Variants in FAM240A observed in about 807,000 individuals in gnomAD.
FAM240A encodes the protein family with sequence similarity 240 member A, also known as protein FAM240A.
FAM240A carries 8 observed loss-of-function variants against 7.3 expected under a neutral mutation model. That is an observed-to-expected ratio of 1.09 (90% confidence interval 0.64 to 1.97). FAM240A has a LOEUF of 1.97. Among genes scored for constraint, FAM240A ranks in the 30% most tolerant of loss-of-function variants. The pLI, the probability that FAM240A is intolerant of heterozygous loss-of-function variation, is 0.00. For synonymous variants in FAM240A, 32 were observed against 35.9 expected (o/e 0.89, Z 0.38); for missense variants, 90 against 102.2 (o/e 0.88, Z 0.52).
At chr3:46,623,405 G>A (rs1025987529) in intron 2 of FAM240A, among the ~76,000 whole-genome samples, 4 of 152,122 alleles carry the variant, frequency 2.6e-5, no homozygotes, top group Non-Finnish European at 5.9e-5. Context: ...TATAAATATT[G>A]ATTATATCAA....
chr3:46,618,919 A>ACG (rs1697665533), intron 2 of FAM240A, among the ~76,000 whole-genome samples: 1 of 70,728 alleles, frequency 1.4e-5, no homozygotes, highest in Non-Finnish European at 3.5e-5. Context: ...ACACACACAC[A>ACG]TATGCAGTAT....
intron 2 of FAM240A, among the ~76,000 whole-genome samples, chr3:46,624,410 T>C (rs762107424): frequency 7.9e-5 from 12 of 151,774 alleles, no homozygotes; most frequent in Non-Finnish European, 1.5e-4. Context: ...TAGCTGGAAC[T>C]GCAGGCACCC....
chr3:46,621,661 A>G (rs116640101), intron 2 of FAM240A, among the ~76,000 whole-genome samples: 2,237 of 152,030 alleles, frequency 0.015, 44 homozygotes, highest in African/African-American at 0.048. Context: ...TGCGGGGGAA[A>G]GGGGGAGTGG....
intron 2 of FAM240A, among the ~76,000 whole-genome samples, chr3:46,623,163 T>C (rs1263367659): frequency 6.6e-6 from 1 of 152,188 alleles, no homozygotes; most frequent in Admixed American, 6.5e-5. Flanking sequence ...TGGTTGTTTC[T>C]TTGATTTATG....
At chr3:46,621,747 G>A (rs1697696930) in intron 2 of FAM240A, among the ~76,000 whole-genome samples, 1 of 149,314 alleles carries the variant, frequency 6.7e-6, no homozygotes, top group South Asian at 2.2e-4. Flanking sequence ...CTGCAATCCA[G>A]CCTGGGCAAC....
intron 1 of FAM240A, among the ~76,000 whole-genome samples, chr3:46,616,113 GAGGA>G: frequency 6.6e-6 from 1 of 152,358 alleles, no homozygotes; most frequent in South Asian, 2.1e-4. Flanking sequence ...CTTCTGTGAG[GAGGA>G]AGGAAGGGCA....
Position 46,616,721 on chromosome 3 carries a change from A to ACACACACT in FAM240A, c.16-455_16-454insTCACACAC, listed in dbSNP as rs1553617895. 3.2e-4 allele frequency among the ~76,000 whole-genome samples: 49 copies of ACACACACT among 151,556 alleles called. No individual in the cohort carries two copies. The East Asian group carries it at 5.8e-3, about 18-fold the overall frequency. ...CACACACACACACACACACACACAC[A>ACACACACT]CACACACATAAAACATTTTCTTGAT... On this transcript the variant is annotated intron_variant, in intron 1 of 2. Transcript: ENST00000640551.
At chr3:46,616,753 A>G (rs867029910) in intron 1 of FAM240A, among the ~76,000 whole-genome samples, 23 of 151,988 alleles carry the variant, frequency 1.5e-4, no homozygotes, top group Admixed American at 5.9e-4. Context: ...TGATCCAGTC[A>G]TAAGTTAATG....
At chr3:46,619,843 G>A (rs1004671897) in intron 2 of FAM240A, among the ~76,000 whole-genome samples, 2 of 152,168 alleles carry the variant, frequency 1.3e-5, no homozygotes, top group African/African-American at 2.4e-5. Flanking sequence ...CAAACACCCC[G>A]AGGCAAGGGA....
At chr3:46,621,916 T>C (rs953511239) in intron 2 of FAM240A, among the ~76,000 whole-genome samples, 2 of 152,060 alleles carry the variant, frequency 1.3e-5, no homozygotes, top group Admixed American at 6.6e-5. Flanking sequence ...CTTTATGATT[T>C]CCCTTTTCTG....
rs907496005 is a variant in FAM240A at position 46,625,756 on chromosome 3, T to C, written c.*538T>C. 6.6e-6 allele frequency: 1 copy of C among 152,224 alleles called. No individual in the cohort carries two copies. The highest frequency in any genetic ancestry group is 1.5e-5 in the Non-Finnish European group (1 of 68,040). 9.4% of individuals were successfully genotyped at this position (152,224 alleles called of 1,614,324 possible). The stretch of plus-strand genomic sequence containing the variant: ...GATCTAATATTCTTTTTTCTTCATA[T>C]AAATTTAATTAGCTTTTTCAAAAGT... On this transcript the variant is annotated 3_prime_UTR_variant, in exon 3 of 3. Transcript: ENST00000640551.
chr3:46,620,201 T>C (rs1430475017), intron 2 of FAM240A, among the ~76,000 whole-genome samples: 1 of 151,572 alleles, frequency 6.6e-6, no homozygotes, highest in Non-Finnish European at 1.5e-5. Flanking sequence ...ATGAGAGGAC[T>C]GGAGGCTAAG....
chr3:46,615,247 C>A (rs1380986386), intron 1 of FAM240A, among the ~76,000 whole-genome samples: 1 of 152,144 alleles, frequency 6.6e-6, no homozygotes, highest in Non-Finnish European at 1.5e-5. Context: ...GTGTCAGGCA[C>A]CCCTCCAGTG....
intron 1 of FAM240A, among the ~76,000 whole-genome samples, chr3:46,613,930 T>C (rs1575383936): frequency 1.3e-5 from 2 of 152,250 alleles, no homozygotes; most frequent in African/African-American, 4.8e-5. Context: ...TGTTTGTTTG[T>C]TTGTTTGAGA....
At chr3:46,622,861 A>G (rs201334323) in intron 2 of FAM240A, among the ~76,000 whole-genome samples, 2 of 152,136 alleles carry the variant, frequency 1.3e-5, no homozygotes, top group African/African-American at 2.4e-5. Context: ...CTGCATTTTC[A>G]TATGAATTTT....
intron 2 of FAM240A, among the ~76,000 whole-genome samples, chr3:46,619,210 A>C (rs1262578891): frequency 6.6e-6 from 1 of 152,190 alleles, no homozygotes; most frequent in Non-Finnish European, 1.5e-5. Flanking sequence ...AAACAAGATG[A>C]AAACAAAATT....
rs1160999364 is a variant in FAM240A, at chr3:46,626,514, T to G, written c.*1296T>G. ...TGCTACTGGACCATCCCTATGTAAG[T>G]TCCCCCAATAAACCCTATGTCTCAT... On this transcript the variant is annotated 3_prime_UTR_variant, in exon 3 of 3. Coordinates refer to ENST00000640551, the MANE Select transcript of FAM240A (RefSeq NM_001195442.2). 6.6e-6 allele frequency: 1 copy of G among 152,248 alleles called. No individual in the cohort carries two copies. Among genetic ancestry groups the G allele is most frequent in the East Asian group, 1.9e-4 (1 of 5,202 alleles). 9.4% of individuals were successfully genotyped at this position (152,248 alleles called of 1,614,324 possible). A position where few individuals can be genotyped will look rare whatever the true frequency, so the allele number is the denominator to read the frequency against.
intron 1 of FAM240A, among the ~76,000 whole-genome samples, chr3:46,615,491 C>G (rs1234845952): frequency 6.6e-6 from 1 of 152,162 alleles, no homozygotes; most frequent in Non-Finnish European, 1.5e-5. Context: ...CTGGGCTCCT[C>G]CAGCAGCCCA....
intron 2 of FAM240A, among the ~76,000 whole-genome samples, chr3:46,618,203 G>A (rs941999296): frequency 6.6e-6 from 1 of 152,186 alleles, no homozygotes; most frequent in Non-Finnish European, 1.5e-5. Flanking sequence ...CCTTCCCAAA[G>A]CCTCTCCTGA....
Sources: gnomAD v4.1 joint callset for allele counts (sites outside exome capture counted in the v4.1 genomes callset) on GRCh38, gnomAD v4.1.1 for gene constraint, MANE v1.5 for transcripts, NCBI Gene and HGNC (gene_info 2026-07-23, HGNC 2026-07-21) for gene names.